The following ASPH variants were observed in gnomAD, a reference collection of about 807,000 sequenced individuals.
ASPH encodes the protein aspartyl/asparaginyl beta-hydroxylase.
Under a neutral mutation model 118.4 loss-of-function variants are expected in ASPH, and 100 were observed. The observed-to-expected ratio is 0.84, with a 90% confidence interval of 0.72 to 1.00. ASPH has a LOEUF of 1.00. ASPH is among the 50% of genes least tolerant of loss of function. ASPH has a pLI of 0.00. For missense variants in ASPH, 920 were observed against 919.5 expected (o/e 1.00, Z -0.01); for synonymous variants, 315 against 325.6 (o/e 0.97, Z 0.35).
At chr8:61,653,075 T>C (rs1811876494) in intron 4 of ASPH, among the ~76,000 whole-genome samples, 1 of 152,204 alleles carries the variant, frequency 6.6e-6, no homozygotes, top group African/African-American at 2.4e-5. Context: ...ACTACAGAGA[T>C]GCTTGATTTA....
At chr8:61,638,274 C>T in intron 11 of ASPH, 48 bp downstream of exon 11, 3 of 1,580,038 alleles carry the variant, frequency 1.9e-6, no homozygotes, top group South Asian at 2.4e-5. Context: ...TAACAAAATA[C>T]AGGGAAAGCT....
rs1369793629 is a variant in ASPH at position 61,501,397 on chromosome 8, C to A, written c.*1962G>T. 1.3e-5 allele frequency: 2 copies of A among 152,094 alleles called. No homozygotes were observed. Among genetic ancestry groups the A allele is most frequent in the African/African-American group, 2.4e-5 (1 of 41,418 alleles). 9.4% of individuals were successfully genotyped at this position (152,094 alleles called of 1,614,324 possible). A position where few individuals can be genotyped will look rare whatever the true frequency, so the allele number is the denominator to read the frequency against. On this transcript the variant is annotated 3_prime_UTR_variant, in exon 25 of 25. Transcript: ENST00000379454. ...TACTGTAGTGACCTGATTTTAAATA[C>A]CATATTATATTTACTAAGTTAAGAG... is the stretch of plus-strand genomic sequence containing the variant.
Position 61,661,744 on chromosome 8 carries a change from T to C in ASPH, c.323-8084A>G, listed in dbSNP as rs139320871. 1.5e-3 allele frequency: 522 copies of C among 350,992 alleles called. 1 individual carries two copies. The highest frequency in any genetic ancestry group is 2.3e-3 in the Admixed American group (49 of 20,986). 21.7% of individuals were successfully genotyped at this position (350,992 alleles called of 1,614,324 possible). A position where few individuals can be genotyped will look rare whatever the true frequency, so the allele number is the denominator to read the frequency against. On this transcript the variant is annotated intron_variant, in intron 3 of 24. Transcript: ENST00000379454. ...GTATCATTATGAGGACCTCTGAAGT[T>C]ACAAACTTGCATAGCTAAGCAGGTC...
intron 14 of ASPH, among the ~76,000 whole-genome samples, chr8:61,593,017 C>T (rs551098470): frequency 2.0e-5 from 3 of 152,244 alleles, no homozygotes; most frequent in East Asian, 3.9e-4. Context: ...TTCCTACAGG[C>T]GGGGGATGTG....
chr8:61,649,967 G>A (rs1810072253), intron 5 of ASPH, among the ~76,000 whole-genome samples: 1 of 152,002 alleles, frequency 6.6e-6, no homozygotes, highest in Non-Finnish European at 1.5e-5. Flanking sequence ...CCTGTCTCTG[G>A]GATATGCCTT....
chr8:61,684,242 T>C (rs2151679404), intron 1 of ASPH, 54 bp from the exon 2 acceptor site: 1 of 1,514,548 alleles, frequency 6.6e-7, no homozygotes, highest in Non-Finnish European at 8.9e-7. Flanking sequence ...TACTGAACAC[T>C]TATTCTCACA....
At chr8:61,543,048 T>C (rs1822527887) in intron 21 of ASPH, among the ~76,000 whole-genome samples, 1 of 152,176 alleles carries the variant, frequency 6.6e-6, no homozygotes, top group African/African-American at 2.4e-5. Flanking sequence ...TTTGAAAAAA[T>C]AAAATGAAAG....
intron 21 of ASPH, among the ~76,000 whole-genome samples, chr8:61,528,292 C>T (rs1187315943): frequency 6.6e-6 from 1 of 152,162 alleles, no homozygotes; most frequent in Non-Finnish European, 1.5e-5. Context: ...ACCCCAAGAC[C>T]ATGGAAAAGA....
At chr8:61,624,172 G>A (rs35337652) in intron 13 of ASPH, 457,268 of 915,878 alleles carry the variant, frequency 0.5, 114,967 homozygotes, top group East Asian at 0.51. Context: ...TATCTGTATC[G>A]AAATATCTCA....
chr8:61,638,039 T>C (rs1352051568), intron 11 of ASPH, 36 bp from the exon 12 acceptor site: 2 of 1,574,818 alleles, frequency 1.3e-6, no homozygotes, highest in East Asian at 2.3e-5. Flanking sequence ...CCATTACATG[T>C]TGCTGACCAG....
chr8:61,578,741 C>T, intron 15 of ASPH: 1 of 1,605,032 alleles, frequency 6.2e-7, no homozygotes, highest in Non-Finnish European at 8.5e-7. Flanking sequence ...TGGTGGAGGA[C>T]TTCAAGAACA....
At chr8:61,688,250 T>C (rs1831328488) in intron 1 of ASPH, among the ~76,000 whole-genome samples, 1 of 152,192 alleles carries the variant, frequency 6.6e-6, no homozygotes, top group Non-Finnish European at 1.5e-5. Context: ...GTTCAACCTG[T>C]AGTTCTGGGA....
chr8:61,714,237 GC>G, intron 1 of ASPH, 31 bp downstream of exon 1: 1 of 1,453,544 alleles, frequency 6.9e-7, no homozygotes, highest in Admixed American at 2.5e-5. Flanking sequence ...CCGAGGCGAG[GC>G]CCCAGATCCC....
Position 61,501,302 on chromosome 8 carries a change from G to T in ASPH, c.*2057C>A, listed in dbSNP as rs1004716877. On this transcript the variant is annotated 3_prime_UTR_variant, in exon 25 of 25. Transcript: ENST00000379454. ...TACAAGTATTTACAATGCTATTGGAGTCAATTATTGACAACACTTTGCAAC... is the reference window on the plus strand; with the variant it reads ...TACAAGTATTTACAATGCTATTGGATTCAATTATTGACAACACTTTGCAAC... 2 of 152,160 alleles carry T rather than the reference G, an allele frequency of 1.3e-5. No homozygotes were observed. Among genetic ancestry groups the T allele is most frequent in the Non-Finnish European group, 2.9e-5 (2 of 68,006 alleles). 9.4% of individuals were successfully genotyped at this position (152,160 alleles called of 1,614,324 possible). A position where few individuals can be genotyped will look rare whatever the true frequency, so the allele number is the denominator to read the frequency against.
chr8:61,578,489 G>A, intron 15 of ASPH: 3 of 1,591,616 alleles, frequency 1.9e-6, no homozygotes, highest in Non-Finnish European at 2.6e-6. Flanking sequence ...TGTGCACCCA[G>A]GAGAAGGAGC....
intron 3 of ASPH, chr8:61,658,941 G>A (rs1815268430): frequency 6.6e-6 from 1 of 152,316 alleles, no homozygotes; most frequent in South Asian, 2.1e-4. Flanking sequence ...ATAAATCGTA[G>A]TCTGGCAGCA....
In ASPH at chr8:61,571,575, TA is replaced by T. The variant is rs1833492417; in HGVS notation, c.1150-4258del. ...TTTTAATTGTTGAAGTGTTATTTTT[TA>T]TTTTTTTTCTGAATATTTTCAATCT... is the stretch of plus-strand genomic sequence containing the variant. On this transcript the variant is annotated intron_variant, in intron 16 of 24. Coordinates refer to ENST00000379454, the MANE Select transcript of ASPH (RefSeq NM_004318.4). Among the ~76,000 whole-genome samples, 3 of 152,340 alleles carry T rather than the reference TA, an allele frequency of 2.0e-5. No homozygotes were observed. The South Asian group carries it at 6.2e-4, about 32-fold the overall frequency.
chr8:61,664,361 C>T, intron 3 of ASPH: 1 of 974,890 alleles, frequency 1.0e-6, no homozygotes, highest in Non-Finnish European at 1.2e-6. Context: ...AAAGTACATT[C>T]TAATCTGAAA....
At chr8:61,633,965 G>C (rs1486047090) in intron 12 of ASPH, among the ~76,000 whole-genome samples, 1 of 152,056 alleles carries the variant, frequency 6.6e-6, no homozygotes, top group African/African-American at 2.4e-5. Flanking sequence ...GTACCTGCCC[G>C]ACTAACCTCA....
Sources: gnomAD v4.1 joint callset for allele counts (sites outside exome capture counted in the v4.1 genomes callset) on GRCh38, gnomAD v4.1.1 for gene constraint, MANE v1.5 for transcripts, NCBI Gene and HGNC (gene_info 2026-07-23, HGNC 2026-07-21) for gene names.